MYC: variants seen among roughly 807,000 people sequenced by gnomAD.
MYC encodes myc proto-oncogene protein.
MYC carries 1 observed loss-of-function variant against 30.5 expected under a neutral mutation model. The observed-to-expected ratio is 0.03, with a 90% confidence interval of 0.01 to 0.16. MYC has a LOEUF of 0.16. MYC is among the 10% of genes least tolerant of loss of function. MYC has a pLI of 1.00. For missense variants in MYC, 508 were observed against 589.0 expected, an observed-to-expected ratio of 0.86 and a Z score of 1.42; for synonymous variants, 267 against 250.7, an observed-to-expected ratio of 1.07 and a Z score of -0.62.
chr8:127,736,443 G>A lies in MYC; in HGVS notation c.-151G>A. The A allele has an allele frequency of 1.0e-5, 8 of 782,414 alleles. No individual in the cohort carries two copies. The highest frequency in any genetic ancestry group is 1.6e-5 in the Non-Finnish European group (8 of 484,884). The allele number at this position is 782,414 out of a possible 1,614,324, so 48.5% of individuals were successfully genotyped here. A position where few individuals can be genotyped will look rare whatever the true frequency, so the allele number is the denominator to read the frequency against. On this transcript the variant is annotated 5_prime_UTR_variant, in exon 1 of 3. Transcript: ENST00000621592. The stretch of plus-strand genomic sequence containing the variant: ...CATCCACGAAACTTTGCCCATAGCA[G>A]CGGGCGGGCACTTTGCACTGGAACT...
At position 127,738,340 on chromosome 8, in the gene MYC, C is replaced by G. The variant is rs1563757581; in HGVS notation, c.123C>G (p.Asp41Glu). 6.2e-7 allele frequency: 1 copy of G among 1,614,152 alleles called. No individual in the cohort carries two copies. Among genetic ancestry groups the G allele is most frequent in the South Asian group, 1.1e-5 (1 of 91,078 alleles). The stretch of plus-strand genomic sequence containing the variant: ...CGGTGCAGCCGTATTTCTACTGCGA[C>G]GAGGAGGAGAACTTCTACCAGCAGC... The change falls in exon 2 of 3, where the codon GAC becomes GAG. Residue 41 changes from aspartate to glutamate, a missense_variant. Transcript: ENST00000621592. This position sits in a 1 kb window ranked among gnomAD's most constrained non-coding sequence, Gnocchi z 7.6.
chr8:127,739,977 T>G (rs996713131), intron 2 of MYC, among the ~76,000 whole-genome samples: 2 of 151,606 alleles, frequency 1.3e-5, no homozygotes, highest in Non-Finnish European at 2.9e-5. Flanking sequence ...TTTTTTTTTT[T>G]TTTTCCTTTT....
rs933579368 is a variant in MYC, at chr8:127,738,880, G to T, written c.663G>T (p.Lys221Asn). Residue 221 changes from lysine (K) to asparagine (N), a missense_variant, in exon 2 of 3, where the codon AAG (lysine) becomes AAT (asparagine). Physicochemically the swap from Lys to Asn is moderately conservative, Grantham distance 94. Coordinates refer to ENST00000621592, the MANE Select transcript of MYC (RefSeq NM_002467.6). The surrounding 1 kb of genome is among the most constrained non-coding windows in gnomAD (Gnocchi z 7.6). ...CTCTCAACGACAGCAGCTCGCCCAA[G>T]TCCTGCGCCTCGCAAGACTCCAGCG... The T allele has an allele frequency of 8.1e-6, 13 of 1,612,214 alleles. 1 individual carries two copies. In the Middle Eastern group the frequency reaches 6.6e-4, roughly 82 times the overall value.
chr8:127,735,990 T>C (rs1262398249), upstream of MYC: 7 of 93,758 alleles, frequency 7.5e-5, no homozygotes, highest in Non-Finnish European at 4.1e-5. Context: ...GCAGAGGGCG[T>C]GGGGGAAAAG....
upstream of MYC, chr8:127,735,916 G>A (rs374678514): frequency 5.0e-6 from 2 of 399,572 alleles, no homozygotes; most frequent in African/African-American, 4.1e-5. Flanking sequence ...GCCCGGCTGA[G>A]TCTCCTCCCC....
upstream of MYC, chr8:127,735,778 A>G (rs1813572720): frequency 2.5e-6 from 1 of 399,196 alleles, no homozygotes; most frequent in East Asian, 3.6e-5. Context: ...GTCAAACAGT[A>G]CTGCTACGGA....
intron 1 of MYC, among the ~76,000 whole-genome samples, chr8:127,737,672 G>C (rs944428802): frequency 1.3e-5 from 2 of 152,064 alleles, no homozygotes; most frequent in Non-Finnish European, 1.5e-5. Context: ...GTGTTGGACG[G>C]GGGCGGTACT....
Position 127,742,321 on chromosome 8 carries a change from C to T in MYC, c.*1363C>T, listed in dbSNP as rs370221716. On this transcript the variant is annotated 3_prime_UTR_variant, in exon 3 of 3. Transcript: ENST00000621592. ...ATTCACTGATAGGGAAAAGTGGAAGCGAGATTTGAACCCAGGCTGTTTACT... is the reference window on the plus strand; with the variant it reads ...ATTCACTGATAGGGAAAAGTGGAAGTGAGATTTGAACCCAGGCTGTTTACT... Among the ~76,000 whole-genome samples the T allele has an allele frequency of 2.0e-5, 3 of 152,158 alleles. No individual in the cohort carries two copies. The highest frequency in any genetic ancestry group is 6.5e-5 in the Admixed American group (1 of 15,272).
Position 127,740,248 on chromosome 8 carries a change from A to G in MYC, c.803-148A>G, listed in dbSNP as rs1410934184. 1.7e-5 allele frequency: 14 copies of G among 839,352 alleles called. No individual in the cohort carries two copies. The African/African-American group carries it at 2.1e-4, about 12-fold the overall frequency. 52.0% of individuals were successfully genotyped at this position (839,352 alleles called of 1,614,324 possible). ...GATTACAGGTGTGAGCCAGGGCACC[A>G]GGCTTAGATGTGGCTCTTTGGGGAG... On this transcript the variant is annotated intron_variant, in intron 2 of 2. Coordinates refer to ENST00000621592, the MANE Select transcript of MYC (RefSeq NM_002467.6).
rs1390605046 is a variant in MYC at position 127,742,306 on chromosome 8, A to G, written c.*1348A>G. Among the ~76,000 whole-genome samples, 1 of 152,202 alleles carries G rather than the reference A, an allele frequency of 6.6e-6. No homozygotes were observed. The highest frequency in any genetic ancestry group is 1.5e-5 in the Non-Finnish European group (1 of 68,038). Reference sequence around the variant, plus strand: ...ATCCACATGCCCAAGATTCACTGATAGGGAAAAGTGGAAGCGAGATTTGAA... The same window carrying G: ...ATCCACATGCCCAAGATTCACTGATGGGGAAAAGTGGAAGCGAGATTTGAA... On this transcript the variant is annotated 3_prime_UTR_variant, in exon 3 of 3. Coordinates refer to ENST00000621592, the MANE Select transcript of MYC (RefSeq NM_002467.6).
Position 127,736,592 on chromosome 8 carries a change from C to G in MYC, c.-2C>G, listed in dbSNP as rs754742138. 2.7e-5 allele frequency: 44 copies of G among 1,614,090 alleles called. No homozygotes were observed. In the Admixed American group the frequency reaches 7.2e-4, roughly 26 times the overall value. On this transcript the variant is annotated 5_prime_UTR_variant, in exon 1 of 3. Transcript: ENST00000621592. ...AAGGCTCTCCTTGCAGCTGCTTAGA[C>G]GCTGGATTTTTTTCGGGTAGTGGAA...
chr8:127,737,450 G>A (rs1813612789), intron 1 of MYC, among the ~76,000 whole-genome samples: 1 of 152,192 alleles, frequency 6.6e-6, no homozygotes, highest in African/African-American at 2.4e-5. Context: ...GGCTCTGGGC[G>A]GTTCCAGAAC....
At chr8:127,739,532 G>A (rs1482170719) in intron 2 of MYC, among the ~76,000 whole-genome samples, 1 of 152,192 alleles carries the variant, frequency 6.6e-6, no homozygotes. Context: ...AAGAGTGGGT[G>A]GGCTGAGGAG....
Position 127,736,607 on chromosome 8 carries a change from G to A in MYC, c.14G>A (p.Arg5Gln), listed in dbSNP as rs747141352. 6.8e-6 allele frequency: 11 copies of A among 1,614,162 alleles called. No homozygotes were observed. The highest frequency in any genetic ancestry group is 1.7e-5 in the Admixed American group (1 of 60,030). ...GCTGCTTAGACGCTGGATTTTTTTC[G>A]GGTAGTGGAAAACCAGGTAAGCACC... The change falls in exon 1 of 3, where the codon CGG becomes CAG. Residue 5 changes from arginine (R) to glutamine (Q), a missense_variant. Around this residue, in one of 5 missense-constraint regions of MYC, gnomAD observed 70 missense variants for 84.5 expected, o/e 0.83. Coordinates refer to ENST00000621592, the MANE Select transcript of MYC (RefSeq NM_002467.6).
Position 127,740,890 on chromosome 8 carries a change from G to A in MYC, c.1297G>A (p.Asp433Asn), listed in dbSNP as rs1813699795. ...GGAGCAAAAGCTCATTTCTGAAGAG[G>A]ACTTGTTGCGGAAACGACGAGAACA... is the stretch of plus-strand genomic sequence containing the variant. The change falls in exon 3 of 3, where the codon GAC (aspartate) becomes AAC (asparagine). Residue 433 changes from aspartate to asparagine, a missense_variant. This residue lies in a region of MYC where 31 missense variants were observed against 28.3 expected (regional missense o/e 1.09). Transcript: ENST00000621592. 1.9e-6 allele frequency: 3 copies of A among 1,607,724 alleles called. No homozygotes were observed. Among genetic ancestry groups the A allele is most frequent in the Non-Finnish European group, 2.5e-6 (3 of 1,178,176 alleles).
At position 127,738,773 on chromosome 8, in the gene MYC, T is replaced by G; in HGVS notation, c.556T>G (p.Cys186Gly). The G allele has an allele frequency of 6.2e-7, 1 of 1,610,786 alleles. No homozygotes were observed. The highest frequency in any genetic ancestry group is 1.7e-5 in the Admixed American group (1 of 59,722). ...GAACCCCGCCCGCGGCCACAGCGTC[T>G]GCTCCACCTCCAGCTTGTACCTGCA... The change falls in exon 2 of 3, where the codon TGC (cysteine) becomes GGC (glycine). Residue 186 changes from cysteine to glycine, a missense_variant. By Grantham distance (159) the Cys-to-Gly change is radical (BLOSUM62 -3). Coordinates refer to ENST00000621592, the MANE Select transcript of MYC (RefSeq NM_002467.6). This position sits in a 1 kb window ranked among gnomAD's most constrained non-coding sequence, Gnocchi z 7.6.
rs573822249 is a variant in MYC, at chr8:127,737,076, C to A, written c.30+453C>A. 1.1e-4 allele frequency among the ~76,000 whole-genome samples: 17 copies of A among 152,372 alleles called. No individual in the cohort carries two copies. The East Asian group carries it at 1.7e-3, about 16-fold the overall frequency. On this transcript the variant is annotated intron_variant, in intron 1 of 2. Transcript: ENST00000621592. Reference sequence around the variant, plus strand: ...CGCTCCGCAGCCGCTGACTTGTCCCCGTCTCCGGGAGGGCATTTAAATTTC... The same window carrying A: ...CGCTCCGCAGCCGCTGACTTGTCCCAGTCTCCGGGAGGGCATTTAAATTTC...
chr8:127,736,115 C>A (rs1813582407), upstream of MYC: 3 of 425,494 alleles, frequency 7.1e-6, no homozygotes, highest in Non-Finnish European at 1.2e-5. Flanking sequence ...GGGCCCCGGC[C>A]GTCCCTGGCT....
In MYC at chr8:127,736,501, A is replaced by G. The variant is rs1813592508; in HGVS notation, c.-93A>G. 1 of 1,426,828 alleles carries G rather than the reference A, an allele frequency of 7.0e-7. No individual in the cohort carries two copies. Among genetic ancestry groups the G allele is most frequent in the African/African-American group, 1.4e-5 (1 of 70,286 alleles). 88.4% of individuals were successfully genotyped at this position (1,426,828 alleles called of 1,614,324 possible). A position where few individuals can be genotyped will look rare whatever the true frequency, so the allele number is the denominator to read the frequency against. On this transcript the variant is annotated 5_prime_UTR_variant, in exon 1 of 3. Transcript: ENST00000621592. Reference sequence around the variant, plus strand: ...CCCGAGCAAGGACGCGACTCTCCCGACGCGGGGAGGCTATTCTGCCCATTT... The same window carrying G: ...CCCGAGCAAGGACGCGACTCTCCCGGCGCGGGGAGGCTATTCTGCCCATTT...
Sources: allele counts gnomAD v4.1 joint callset (sites outside exome capture counted in the v4.1 genomes callset), GRCh38; gene constraint gnomAD v4.1.1; regional missense constraint gnomAD v4.1.1; non-coding constraint Gnocchi (gnomAD v3.1); transcripts MANE v1.5; gene names NCBI Gene and HGNC (gene_info 2026-07-23, HGNC 2026-07-21).